Variants in PARM1 observed in about 807,000 individuals in gnomAD.
PARM1 encodes prostate androgen-regulated mucin-like protein 1.
A neutral mutation model predicts 24.6 loss-of-function variants in PARM1; 14 were observed. The observed-to-expected ratio is 0.57, with a 90% confidence interval of 0.38 to 0.89. The LOEUF (loss-of-function observed/expected upper bound fraction) is 0.89. PARM1 is among the 40% of genes least tolerant of loss of function. The probability of loss-of-function intolerance (pLI) is 0.00; values close to 1 mark genes in which losing one functional copy is unlikely to be tolerated. For missense variants in PARM1, 362 were observed against 380.4 expected, an observed-to-expected ratio of 0.95 and a Z score of 0.40; for synonymous variants, 179 against 156.6, an observed-to-expected ratio of 1.14 and a Z score of -1.07.
At chr4:74,971,980 C>T (rs1424329808) in intron 1 of PARM1, among the ~76,000 whole-genome samples, 1 of 152,176 alleles carries the variant, frequency 6.6e-6, no homozygotes, top group Non-Finnish European at 1.5e-5. Flanking sequence ...TTTTCTGTGA[C>T]ACATATTTTA....
chr4:74,962,460 A>C (rs922527105), intron 1 of PARM1, among the ~76,000 whole-genome samples: 3 of 152,230 alleles, frequency 2.0e-5, no homozygotes, highest in Non-Finnish European at 4.4e-5. Flanking sequence ...CTTATCTGAA[A>C]TTATTTTAAA....
chr4:75,016,258 C>A (rs1033663620), intron 2 of PARM1, among the ~76,000 whole-genome samples: 1 of 152,104 alleles, frequency 6.6e-6, no homozygotes, highest in Non-Finnish European at 1.5e-5. Context: ...AGGCAAGGAA[C>A]CAAGAGCACG....
intron 1 of PARM1, among the ~76,000 whole-genome samples, chr4:74,951,517 G>A (rs956410904): frequency 6.6e-6 from 1 of 152,084 alleles, no homozygotes; most frequent in African/African-American, 2.4e-5. Context: ...GTATACATGT[G>A]CCATGGTGGT....
chr4:74,977,713 G>A (rs1722166821), intron 1 of PARM1, among the ~76,000 whole-genome samples: 1 of 152,172 alleles, frequency 6.6e-6, no homozygotes, highest in Non-Finnish European at 1.5e-5. Context: ...GGGGCAGCCA[G>A]AGAGAAAGGC....
chr4:75,038,632 G>A (rs1346821398), intron 3 of PARM1, among the ~76,000 whole-genome samples: 1 of 152,244 alleles, frequency 6.6e-6, no homozygotes, highest in Non-Finnish European at 1.5e-5. Flanking sequence ...AAACGTCTGT[G>A]AAGTTGAATC....
intron 1 of PARM1, among the ~76,000 whole-genome samples, chr4:75,000,503 G>A (rs1205935976): frequency 6.6e-6 from 1 of 152,164 alleles, no homozygotes; most frequent in Non-Finnish European, 1.5e-5. Context: ...GGCTTCACAG[G>A]ATGGCTGCCA....
Position 74,978,486 on chromosome 4 carries a change from G to T in PARM1, c.44-33939G>T, listed in dbSNP as rs531147356. On this transcript the variant is annotated intron_variant, in intron 1 of 3. Transcript: ENST00000307428. ...ACAAGTGCTTAGAGACTTACAAAGA[G>T]ATTTATACTCCCACACATAATAGTG... 3.3e-5 allele frequency among the ~76,000 whole-genome samples: 5 copies of T among 152,280 alleles called. No homozygotes were observed. In the South Asian group the frequency reaches 1.0e-3, roughly 32 times the overall value.
chr4:74,991,089 G>C (rs1722458011), intron 1 of PARM1, among the ~76,000 whole-genome samples: 1 of 152,122 alleles, frequency 6.6e-6, no homozygotes, highest in African/African-American at 2.4e-5. Context: ...AAAGAAGTCA[G>C]ATAACATGGG....
rs1723667845 is a variant in PARM1 at position 75,049,071 on chromosome 4, A to G, written c.*2824A>G. On this transcript the variant is annotated 3_prime_UTR_variant, in exon 4 of 4. Transcript: ENST00000307428. ...CTAAACAACCACATCCTATCCATGG[A>G]TAGGTCTAGTCATAACACTTTAGAG... 2 of 152,326 alleles carry G rather than the reference A, an allele frequency of 1.3e-5. No individual in the cohort carries two copies. Among genetic ancestry groups the G allele is most frequent in the African/African-American group, 2.4e-5 (1 of 41,454 alleles). The allele number at this position is 152,326 out of a possible 1,614,324, so 9.4% of individuals were successfully genotyped here. A position where few individuals can be genotyped will look rare whatever the true frequency, so the allele number is the denominator to read the frequency against.
chr4:74,937,317 T>C (rs1003641689), intron 1 of PARM1, among the ~76,000 whole-genome samples: 1 of 152,204 alleles, frequency 6.6e-6, no homozygotes, highest in African/African-American at 2.4e-5. Flanking sequence ...GAGAAACTCC[T>C]ATTCCCCTGA....
chr4:75,036,198 G>T (rs375014846), intron 3 of PARM1, among the ~76,000 whole-genome samples: 6 of 152,282 alleles, frequency 3.9e-5, no homozygotes, highest in African/African-American at 1.2e-4. Context: ...GAGTGAAATA[G>T]AAACACTTCC....
chr4:75,032,264 A>AT (rs1467358071), intron 2 of PARM1, among the ~76,000 whole-genome samples: 4 of 151,992 alleles, frequency 2.6e-5, no homozygotes, highest in African/African-American at 4.8e-5. Context: ...GTTAGCAATG[A>AT]TTTTTTTTGG....
In PARM1 at chr4:75,047,655, A is replaced by G. The variant is rs567526232; in HGVS notation, c.*1408A>G. ...ATGCACAGCACAACCTACAACAGCAAAGAATCATCCACCCCAAAATATCAG... is the reference window on the plus strand; with the variant it reads ...ATGCACAGCACAACCTACAACAGCAGAGAATCATCCACCCCAAAATATCAG... On this transcript the variant is annotated 3_prime_UTR_variant, in exon 4 of 4. Transcript: ENST00000307428. 2 of 152,374 alleles carry G rather than the reference A, an allele frequency of 1.3e-5. No homozygotes were observed. Among genetic ancestry groups the G allele is most frequent in the East Asian group, 3.9e-4 (2 of 5,184 alleles). The allele number at this position is 152,374 out of a possible 1,614,324, so 9.4% of individuals were successfully genotyped here.
At chr4:75,039,049 T>C (rs1038348366) in intron 3 of PARM1, among the ~76,000 whole-genome samples, 7 of 152,238 alleles carry the variant, frequency 4.6e-5, no homozygotes, top group Non-Finnish European at 2.9e-5. Flanking sequence ...GGTTGTACAA[T>C]TGGATTCCTT....
chr4:74,947,099 G>A (rs1721424899), intron 1 of PARM1, among the ~76,000 whole-genome samples: 1 of 152,158 alleles, frequency 6.6e-6, no homozygotes, highest in Admixed American at 6.5e-5. Flanking sequence ...AATCATCAGT[G>A]GCTGCCAACA....
chr4:75,027,874 G>A (rs979609530), intron 2 of PARM1, among the ~76,000 whole-genome samples: 1 of 152,218 alleles, frequency 6.6e-6, no homozygotes, highest in Non-Finnish European at 1.5e-5. Flanking sequence ...GACAGAGGAT[G>A]TACCAGAGCT....
intron 1 of PARM1, among the ~76,000 whole-genome samples, chr4:74,979,683 A>G (rs192358007): frequency 6.2e-4 from 95 of 152,206 alleles, no homozygotes; most frequent in Non-Finnish European, 1.2e-3. Context: ...CTTCAGGCCA[A>G]CATCCCTGAT....
chr4:74,960,073 T>C (rs954197321), intron 1 of PARM1, among the ~76,000 whole-genome samples: 1 of 152,242 alleles, frequency 6.6e-6, no homozygotes, highest in African/African-American at 2.4e-5. Flanking sequence ...ACGTTTCATA[T>C]GTAACTTGCA....
chr4:74,993,373 A>G (rs1409628754), intron 1 of PARM1, among the ~76,000 whole-genome samples: 3 of 152,100 alleles, frequency 2.0e-5, no homozygotes, highest in Non-Finnish European at 2.9e-5. Flanking sequence ...ATTGAGCCTA[A>G]AGATGACTGA....
Sources: gnomAD v4.1 joint callset for allele counts (sites outside exome capture counted in the v4.1 genomes callset) on GRCh38, gnomAD v4.1.1 for gene constraint, MANE v1.5 for transcripts, NCBI Gene and HGNC (gene_info 2026-07-23, HGNC 2026-07-21) for gene names.